PCYT1B: variants seen among roughly 807,000 people sequenced by gnomAD.
PCYT1B encodes choline-phosphate cytidylyltransferase B.
PCYT1B carries 10 observed loss-of-function variants against 26.4 expected under a neutral mutation model. The observed-to-expected ratio is 0.38, with a 90% CI of 0.23 to 0.64. The LOEUF is 0.64. Among genes scored for constraint, PCYT1B ranks in the 30% least tolerant of loss-of-function variants. PCYT1B has a pLI of 0.56. For missense variants in PCYT1B, 161 were observed against 292.7 expected, an observed-to-expected ratio of 0.55 and a Z score of 3.28; for synonymous variants, 131 against 108.4, an observed-to-expected ratio of 1.21 and a Z score of -1.29.
intron 3 of PCYT1B, among the ~76,000 whole-genome samples, chrX:24,602,442 T>C (rs1189023537): frequency 8.9e-6 from 1 of 111,867 alleles, no homozygotes; most frequent in Non-Finnish European, 1.9e-5. Flanking sequence ...TGTACATCTA[T>C]GAGTTTGGAC....
At chrX:24,575,596 A>C (rs763992584) in intron 6 of PCYT1B, among the ~76,000 whole-genome samples, 14 of 112,448 alleles carry the variant, frequency 1.2e-4, no homozygotes, top group African/African-American at 4.5e-4. Context: ...ATTCACTTAT[A>C]TAAGAGGAGA....
intron 7 of PCYT1B, among the ~76,000 whole-genome samples, chrX:24,571,421 T>C (rs1923821432): frequency 9.0e-6 from 1 of 111,023 alleles, no homozygotes; most frequent in Non-Finnish European, 1.9e-5. Context: ...GTAGAATAAA[T>C]GTGCAAGGAC....
intron 1 of PCYT1B, among the ~76,000 whole-genome samples, chrX:24,670,101 AAAGAAAGAAAGAAAGGAAGG>A (rs1569261876): frequency 6.6e-4 from 27 of 40,648 alleles, no homozygotes; most frequent in African/African-American, 2.0e-3. Context: ...AGAAAGAAAG[AAAGAAAGAAAGAAAGGAAGG>A]AAGGAAGGAA....
At chrX:24,619,699 C>T (rs754645772) in intron 1 of PCYT1B, among the ~76,000 whole-genome samples, 11 of 111,695 alleles carry the variant, frequency 9.8e-5, no homozygotes, top group Non-Finnish European at 1.7e-4. Flanking sequence ...TTATCTGTGC[C>T]TTGGGAAGGC....
chrX:24,616,282 G>C (rs1202928206), intron 2 of PCYT1B, among the ~76,000 whole-genome samples: 2 of 98,315 alleles, frequency 2.0e-5, no homozygotes, highest in African/African-American at 7.7e-5. Flanking sequence ...CTGTCGCCTA[G>C]GCTGGAGTGC....
chrX:24,647,313 G>A lies in PCYT1B; in HGVS notation c.-208C>T, dbSNP rs1227619444. 3 of 1,016,399 alleles carry A rather than the reference G, an allele frequency of 3.0e-6. No individual in the cohort carries two copies. The Admixed American group carries it at 1.3e-4, about 46-fold the overall frequency. The allele number at this position is 1,016,399 out of a possible 1,213,427, so 83.8% of individuals were successfully genotyped here. On this transcript the variant is annotated 5_prime_UTR_variant, in exon 1 of 8. Coordinates refer to ENST00000379144, the MANE Select transcript of PCYT1B (RefSeq NM_004845.5). ...TCTCTCCCAGAAGCCAAGAGGCAAGGCCTCAGTTTATCACTATAACAACCA... is the reference window on the plus strand; with the variant it reads ...TCTCTCCCAGAAGCCAAGAGGCAAGACCTCAGTTTATCACTATAACAACCA...
At chrX:24,627,978 G>A (rs192024963) in intron 1 of PCYT1B, among the ~76,000 whole-genome samples, 81 of 111,730 alleles carry the variant, frequency 7.2e-4, no homozygotes, top group African/African-American at 2.5e-3. Context: ...GGACAACAAG[G>A]ATGGGGAAAT....
intron 1 of PCYT1B, among the ~76,000 whole-genome samples, chrX:24,620,013 C>T (rs1925651636): frequency 8.9e-6 from 1 of 112,827 alleles, no homozygotes; most frequent in South Asian, 3.6e-4. Context: ...GTCACCACTA[C>T]ATCATCTTTG....
At chrX:24,667,089 G>A (rs1299801347) in intron 1 of PCYT1B, among the ~76,000 whole-genome samples, 1 of 109,898 alleles carries the variant, frequency 9.1e-6, no homozygotes, top group Non-Finnish European at 1.9e-5. Flanking sequence ...GCCAGGGAGA[G>A]GTTAGTGCAC....
At chrX:24,565,575 C>T (rs1415463918) in intron 7 of PCYT1B, among the ~76,000 whole-genome samples, 2 of 110,309 alleles carry the variant, frequency 1.8e-5, no homozygotes, top group Non-Finnish European at 3.8e-5. Flanking sequence ...ACCCCAAATG[C>T]CCATGGGGTG....
At chrX:24,571,437 A>G (rs1247957916) in intron 7 of PCYT1B, among the ~76,000 whole-genome samples, 2 of 111,749 alleles carry the variant, frequency 1.8e-5, no homozygotes, top group African/African-American at 3.3e-5. Context: ...AGGACATTGA[A>G]AAAAGAATTC....
chrX:24,575,014 T>C (rs1478630306), intron 7 of PCYT1B, 116 bp downstream of exon 7: 8 of 524,661 alleles, frequency 1.5e-5, no homozygotes. Context: ...GGCTGATGCC[T>C]AAAGTAGAGG....
intron 1 of PCYT1B, among the ~76,000 whole-genome samples, chrX:24,641,940 T>G (rs770774897): frequency 5.3e-5 from 6 of 112,207 alleles, no homozygotes; most frequent in Non-Finnish European, 1.1e-4. Flanking sequence ...AAAATATGTA[T>G]TGGGGTGAGC....
chrX:24,670,103 A>AG lies in PCYT1B; in HGVS notation c.63+2466dup, dbSNP rs1569261880. On this transcript the variant is annotated intron_variant, in intron 1 of 7. Coordinates refer to the PCYT1B transcript ENST00000379145. ...AAGAAAGAAAGAAAGAAAGAAAGAA[A>AG]GAAAGAAAGAAAGGAAGGAAGGAAG... is the stretch of plus-strand genomic sequence containing the variant. 8.7e-3 allele frequency among the ~76,000 whole-genome samples: 662 copies of AG among 76,326 alleles called. 3 individuals are homozygous for AG. The highest frequency in any genetic ancestry group is 0.013 in the South Asian group (15 of 1,171). The allele number at this position is 76,326 out of a possible 115,157, so 66.3% of individuals were successfully genotyped here.
At chrX:24,644,717 G>C (rs762907881) in intron 1 of PCYT1B, among the ~76,000 whole-genome samples, 1 of 110,789 alleles carries the variant, frequency 9.0e-6, no homozygotes, top group Admixed American at 9.7e-5. Flanking sequence ...TGCCAGCTTT[G>C]CGTGGTTCTT....
intron 1 of PCYT1B, among the ~76,000 whole-genome samples, chrX:24,669,388 G>A (rs1243030041): frequency 9.3e-6 from 1 of 107,764 alleles, no homozygotes; most frequent in Admixed American, 1.0e-4. Flanking sequence ...ATGGTGGTGG[G>A]TGCCTGTAAT....
chrX:24,656,551 C>CTTTTTTTTTTTTTTTTT (rs1179469896), intron 1 of PCYT1B, among the ~76,000 whole-genome samples: 2 of 56,637 alleles, frequency 3.5e-5, no homozygotes, highest in Non-Finnish European at 6.0e-5. Flanking sequence ...TCTTTTTTTC[C>CTTTTTTTTTTTTTTTTT]TTTTTTTTTT....
chrX:24,651,469 AAAAATATATATAT>A (rs1367649036), upstream of PCYT1B, among the ~76,000 whole-genome samples: 39 of 39,519 alleles, frequency 9.9e-4, no homozygotes, highest in African/African-American at 4.1e-3. Flanking sequence ...AAAAAAAAAA[AAAAATATATATAT>A]ATATATATAT....
rs1467051038 is a variant in PCYT1B, at chrX:24,630,486, G to A, written c.118-11402C>T. Reference sequence around the variant, plus strand: ...AATTTTTTGTATTTTTGCTAGAGATGGGGTTTCACCGTGTCACCCAGGATG... The same window carrying A: ...AATTTTTTGTATTTTTGCTAGAGATAGGGTTTCACCGTGTCACCCAGGATG... On this transcript the variant is annotated intron_variant, in intron 1 of 7. Transcript: ENST00000379144. Among the ~76,000 whole-genome samples, 4 of 111,127 alleles carry A rather than the reference G, an allele frequency of 3.6e-5. No homozygotes were observed. The Admixed American group carries it at 3.8e-4, about 11-fold the overall frequency.
Sources: gnomAD v4.1 joint callset for allele counts (sites outside exome capture counted in the v4.1 genomes callset) on GRCh38, gnomAD v4.1.1 for gene constraint, MANE v1.5 for transcripts, NCBI Gene and HGNC (gene_info 2026-07-23, HGNC 2026-07-21) for gene names.